Variants in DISP3 observed in about 807,000 individuals in gnomAD.
DISP3 encodes protein dispatched homolog 3.
In DISP3, 101 loss-of-function variants were observed where a neutral mutation model predicts 135.3. That is an observed-to-expected ratio of 0.75 (90% CI 0.64 to 0.88). The LOEUF is 0.88. Among genes scored for constraint, DISP3 ranks in the 40% least tolerant of loss-of-function variants. The probability of loss-of-function intolerance (pLI) is 0.00; values close to 1 mark genes in which losing one functional copy is unlikely to be tolerated. For synonymous variants in DISP3, 856 were observed against 817.0 expected (o/e 1.05, Z -0.81); for missense variants, 1,713 against 1,878.6 (o/e 0.91, Z 1.63).
At chr1:11,481,065 A>T (rs541121013) in intron 1 of DISP3, among the ~76,000 whole-genome samples, 62 of 140,138 alleles carry the variant, frequency 4.4e-4, no homozygotes, top group Admixed American at 9.0e-4. Context: ...TCTCTCTCTC[A>T]CACACATACA....
intron 1 of DISP3, among the ~76,000 whole-genome samples, chr1:11,490,961 A>T (rs948591189): frequency 6.6e-6 from 1 of 152,168 alleles, no homozygotes; most frequent in Non-Finnish European, 1.5e-5. Flanking sequence ...TTGGACTTCT[A>T]GTTCCTTTTA....
At chr1:11,532,051 T>C (rs1642590227) in intron 17 of DISP3, among the ~76,000 whole-genome samples, 1 of 152,182 alleles carries the variant, frequency 6.6e-6, no homozygotes. Flanking sequence ...TCTGCCACTG[T>C]GGGAGGCCAG....
chr1:11,534,583 C>T, intron 18 of DISP3, 43 bp downstream of exon 18: 1 of 1,568,374 alleles, frequency 6.4e-7, no homozygotes, highest in Non-Finnish European at 8.6e-7. Context: ...GGGCAGGAGG[C>T]AGAGGGACCT....
At chr1:11,514,911 T>C (rs1037665190) in intron 4 of DISP3, among the ~76,000 whole-genome samples, 7 of 152,204 alleles carry the variant, frequency 4.6e-5, no homozygotes, top group Non-Finnish European at 1.0e-4. Flanking sequence ...CACCTCCGTG[T>C]GCCCCTGGAT....
intron 1 of DISP3, among the ~76,000 whole-genome samples, chr1:11,500,278 A>T (rs140223564): frequency 0.013 from 2,003 of 152,352 alleles, 26 homozygotes; most frequent in Non-Finnish European, 0.02. Context: ...GCCCTGGCAC[A>T]GTTCCTGGGC....
intron 18 of DISP3, 138 bp from the exon 19 acceptor site, chr1:11,534,873 G>T (rs115472255): frequency 2.3e-6 from 2 of 861,746 alleles, no homozygotes; most frequent in Non-Finnish European, 3.8e-6. Context: ...AAACAAGGCC[G>T]GTAGGGTAGG....
At chr1:11,496,966 C>A (rs1467827283) in intron 1 of DISP3, among the ~76,000 whole-genome samples, 1 of 152,230 alleles carries the variant, frequency 6.6e-6, no homozygotes, top group Non-Finnish European at 1.5e-5. Flanking sequence ...GACCACCAGT[C>A]TGGTGTGATG....
chr1:11,512,526 CATCT>C (rs1641885034), intron 3 of DISP3, among the ~76,000 whole-genome samples: 2 of 152,184 alleles, frequency 1.3e-5, no homozygotes, highest in Non-Finnish European at 2.9e-5. Flanking sequence ...TCCTCATCTC[CATCT>C]GAGACCACCT....
intron 1 of DISP3, among the ~76,000 whole-genome samples, chr1:11,489,956 G>A (rs1237890361): frequency 2.6e-5 from 4 of 152,228 alleles, no homozygotes; most frequent in Non-Finnish European, 5.9e-5. Context: ...TTTCATGGCC[G>A]TAGTTATTGG....
At chr1:11,504,385 C>T (rs1641640582) in intron 3 of DISP3, among the ~76,000 whole-genome samples, 1 of 152,248 alleles carries the variant, frequency 6.6e-6, no homozygotes, top group Admixed American at 6.5e-5. Flanking sequence ...CACTGGGAGC[C>T]TTCTCCCTGC....
intron 1 of DISP3, among the ~76,000 whole-genome samples, chr1:11,493,938 A>C (rs1328883681): frequency 6.6e-6 from 1 of 152,266 alleles, no homozygotes; most frequent in Non-Finnish European, 1.5e-5. Context: ...TGCTGAAAGC[A>C]GAATTGCCAG....
chr1:11,533,690 C>G, intron 17 of DISP3: 1 of 680,584 alleles, frequency 1.5e-6, no homozygotes, highest in Non-Finnish European at 2.7e-6. Context: ...CACCACACGG[C>G]AAGGTGCCCG....
At chr1:11,532,210 C>T (rs1028554674) in intron 17 of DISP3, among the ~76,000 whole-genome samples, 2 of 152,244 alleles carry the variant, frequency 1.3e-5, no homozygotes, top group African/African-American at 4.8e-5. Flanking sequence ...CCCACACATG[C>T]ACACACTCCT....
rs573796259 is a variant in DISP3 at position 11,519,657 on chromosome 1, C to G, written c.2039-62C>G. The G allele has an allele frequency of 4.4e-6, 7 of 1,581,884 alleles. No individual in the cohort carries two copies. In the African/African-American group the frequency reaches 6.7e-5, roughly 15 times the overall value. On this transcript the variant is annotated intron_variant, in intron 8 of 20. Transcript: ENST00000294484. The surrounding 1 kb of genome is among the most constrained non-coding windows in gnomAD (Gnocchi z 4.3). ...CCAGGCATCTGGGCTTCCCTGGAAGCGAGCGTGGACCACAGTGGGCTTTGA... is the reference window on the plus strand; with the variant it reads ...CCAGGCATCTGGGCTTCCCTGGAAGGGAGCGTGGACCACAGTGGGCTTTGA...
chr1:11,501,160 A>T lies in DISP3; in HGVS notation c.168A>T (p.Pro56=), dbSNP rs1641501283. 1 of 1,613,930 alleles carries T rather than the reference A, an allele frequency of 6.2e-7. No individual in the cohort carries two copies. ...WRHWPLASRP[P]ASGFWSTLGW... is the part of the protein sequence containing the mutation. Reference sequence around the variant, plus strand: ...ACTGGCCCCTGGCTTCCCGACCCCCAGCTTCGGGCTTCTGGAGTACCCTGG... The same window carrying T: ...ACTGGCCCCTGGCTTCCCGACCCCCTGCTTCGGGCTTCTGGAGTACCCTGG... Residue 56 remains proline, a synonymous_variant, in exon 2 of 21, where the codon CCA becomes CCT. Coordinates refer to ENST00000294484, the MANE Select transcript of DISP3 (RefSeq NM_020780.2). The surrounding 1 kb of genome is among the most constrained non-coding windows in gnomAD (Gnocchi z 4.9).
At chr1:11,503,234 G>A (rs1347762305) in intron 3 of DISP3, among the ~76,000 whole-genome samples, 3 of 152,184 alleles carry the variant, frequency 2.0e-5, no homozygotes, top group Non-Finnish European at 4.4e-5. Context: ...GTTCCTCACT[G>A]TATTAGTCAG....
At chr1:11,518,809 C>T (rs918622957) in intron 7 of DISP3, among the ~76,000 whole-genome samples, 7 of 151,894 alleles carry the variant, frequency 4.6e-5, no homozygotes, top group South Asian at 2.1e-4. Flanking sequence ...AGATAATCCA[C>T]GCAGGGCTCC....
chr1:11,495,692 C>T (rs1641312373), intron 1 of DISP3, among the ~76,000 whole-genome samples: 1 of 152,194 alleles, frequency 6.6e-6, no homozygotes, highest in African/African-American at 2.4e-5. Context: ...TTAGCTACTT[C>T]CTGCTCATTG....
chr1:11,510,023 C>A (rs138247391), intron 3 of DISP3, among the ~76,000 whole-genome samples: 1 of 152,008 alleles, frequency 6.6e-6, no homozygotes, highest in African/African-American at 2.4e-5. Flanking sequence ...GGCGTGAACC[C>A]GGGAGGTGGA....
Sources: allele counts gnomAD v4.1 joint callset (sites outside exome capture counted in the v4.1 genomes callset), GRCh38; gene constraint gnomAD v4.1.1; non-coding constraint Gnocchi (gnomAD v3.1); transcripts MANE v1.5; gene names NCBI Gene and HGNC (gene_info 2026-07-23, HGNC 2026-07-21).